SERTAD4: variants seen among roughly 807,000 people sequenced by gnomAD.
SERTAD4 encodes SERTA domain containing 4.
A neutral mutation model predicts 32.9 loss-of-function variants in SERTAD4; 18 were observed. That is an observed-to-expected ratio of 0.55 (90% CI 0.38 to 0.81). The LOEUF is 0.81. SERTAD4 is among the 30% of genes least tolerant of loss of function. The probability of loss-of-function intolerance (pLI) is 0.00; values close to 1 mark genes in which losing one functional copy is unlikely to be tolerated. For missense variants in SERTAD4, 383 were observed against 426.0 expected, an observed-to-expected ratio of 0.90 and a Z score of 0.89; for synonymous variants, 150 against 156.4, an observed-to-expected ratio of 0.96 and a Z score of 0.30.
Position 210,243,944 on chromosome 1 carries a change from TGTTATA to T in SERTAD4, c.*1612_*1617del, listed in dbSNP as rs2084024134. ...GACCAATTTTTAAAACATTTTCTTG[TGTTATA>T]GTTAAATAGTCTAGTAATGTTTTGT... On this transcript the variant is annotated 3_prime_UTR_variant, in exon 4 of 4. Transcript: ENST00000367012. 6.6e-6 allele frequency: 1 copy of T among 152,206 alleles called. No individual in the cohort carries two copies. The highest frequency in any genetic ancestry group is 2.1e-4 in the South Asian group (1 of 4,836). The allele number at this position is 152,206 out of a possible 1,614,324, so 9.4% of individuals were successfully genotyped here. A position where few individuals can be genotyped will look rare whatever the true frequency, so the allele number is the denominator to read the frequency against.
chr1:210,241,959 C>G lies in SERTAD4; in HGVS notation c.693C>G (p.Ser231=), dbSNP rs1323627443. ...SASSSSSSSS[S]SPPLPLPSCS... ...CTTCTTCCTCCTCATCTTCCTCTTC[C>G]TCTCCCCCTTTGCCTTTACCGAGTT... Residue 231 remains serine (S), a synonymous_variant, in exon 4 of 4, where the codon TCC becomes TCG. Transcript: ENST00000367012. 6.2e-7 allele frequency: 1 copy of G among 1,614,140 alleles called. No individual in the cohort carries two copies. The highest frequency in any genetic ancestry group is 1.3e-5 in the African/African-American group (1 of 75,022).
At chr1:210,233,097 C>T (rs1267298065) in intron 1 of SERTAD4, 86 bp downstream of exon 1, 2 of 151,954 alleles carry the variant, frequency 1.3e-5, no homozygotes, top group Non-Finnish European at 2.9e-5. Flanking sequence ...CCTGCCCTCG[C>T]AGACGGGCAC....
intron 3 of SERTAD4, among the ~76,000 whole-genome samples, chr1:210,240,360 ATTC>A (rs976326210): frequency 2.0e-5 from 3 of 152,162 alleles, no homozygotes; most frequent in African/African-American, 7.2e-5. Flanking sequence ...AGGATTTTCA[ATTC>A]TTCTTCCTCT....
At chr1:210,233,777 G>T in intron 1 of SERTAD4, 1 of 470,886 alleles carries the variant, frequency 2.1e-6, no homozygotes, top group Non-Finnish European at 4.4e-6. Context: ...CGTCCTCGCC[G>T]CCAGGTCCCA....
At chr1:210,234,552 G>A (rs188763003) in intron 1 of SERTAD4, among the ~76,000 whole-genome samples, 1 of 152,262 alleles carries the variant, frequency 6.6e-6, no homozygotes, top group African/African-American at 2.4e-5. Flanking sequence ...ACCAGGAGCC[G>A]GACAAGCTAT....
At chr1:210,236,055 TGA>T (rs2147844851) in intron 1 of SERTAD4, among the ~76,000 whole-genome samples, 1 of 152,350 alleles carries the variant, frequency 6.6e-6, no homozygotes, top group East Asian at 1.9e-4. Flanking sequence ...GACAATTTCA[TGA>T]GAGTCTTCCA....
intron 3 of SERTAD4, among the ~76,000 whole-genome samples, chr1:210,240,793 G>T (rs1228445753): frequency 6.6e-6 from 1 of 152,152 alleles, no homozygotes; most frequent in East Asian, 1.9e-4. Context: ...TTCTGTCAGG[G>T]TCTGAGCCTC....
At position 210,241,960 on chromosome 1, in the gene SERTAD4, T is replaced by C. The variant is rs2084001687; in HGVS notation, c.694T>C (p.Ser232Pro). Residue 232 changes from serine (S) to proline (P), a missense_variant, in exon 4 of 4, where the codon TCT becomes CCT. Transcript: ENST00000367012. ...ASSSSSSSSS[S>P]PPLPLPSCSR... Reference sequence around the variant, plus strand: ...TTCTTCCTCCTCATCTTCCTCTTCCTCTCCCCCTTTGCCTTTACCGAGTTG... The same window carrying C: ...TTCTTCCTCCTCATCTTCCTCTTCCCCTCCCCCTTTGCCTTTACCGAGTTG... 1 of 1,614,142 alleles carries C rather than the reference T, an allele frequency of 6.2e-7. No individual in the cohort carries two copies. Among genetic ancestry groups the C allele is most frequent in the South Asian group, 1.1e-5 (1 of 91,076 alleles).
chr1:210,239,765 C>G (rs1214591140), intron 3 of SERTAD4, among the ~76,000 whole-genome samples, 157 bp downstream of exon 3: 1 of 152,066 alleles, frequency 6.6e-6, no homozygotes, highest in Non-Finnish European at 1.5e-5. Context: ...TTTTTGGGTC[C>G]TGTGTTATTT....
chr1:210,236,345 G>A (rs369634952), intron 1 of SERTAD4, among the ~76,000 whole-genome samples: 1 of 152,326 alleles, frequency 6.6e-6, no homozygotes, highest in Admixed American at 6.5e-5. Flanking sequence ...GCCCAAACCA[G>A]CTGAGTCCTA....
Position 210,242,765 on chromosome 1 carries a change from T to C in SERTAD4, c.*428T>C. On this transcript the variant is annotated 3_prime_UTR_variant, in exon 4 of 4. Transcript: ENST00000367012. This position sits in a 1 kb window ranked among gnomAD's most constrained non-coding sequence, Gnocchi z 4.0. ...AAAGATACCTGCTTCTTCTATATGATACAATATTTTTTTTAAATAAAAGAC... is the reference window on the plus strand; with the variant it reads ...AAAGATACCTGCTTCTTCTATATGACACAATATTTTTTTTAAATAAAAGAC... 2.0e-6 allele frequency: 2 copies of C among 989,556 alleles called. No individual in the cohort carries two copies. Among genetic ancestry groups the C allele is most frequent in the Non-Finnish European group, 2.4e-6 (2 of 832,564 alleles). The allele number at this position is 989,556 out of a possible 1,614,324, so 61.3% of individuals were successfully genotyped here.
At position 210,245,850 on chromosome 1, in the gene SERTAD4, A is replaced by G. The variant is rs186311663; in HGVS notation, c.*3513A>G. 1.1e-5 allele frequency: 11 copies of G among 985,354 alleles called. No homozygotes were observed. In the Admixed American group the frequency reaches 3.7e-4, roughly 33 times the overall value. The allele number at this position is 985,354 out of a possible 1,614,324, so 61.0% of individuals were successfully genotyped here. ...AAGACATGACCATTAAGAGACATCAACTTCGCAACAAATATAAGACAAGGA... is the reference window on the plus strand; with the variant it reads ...AAGACATGACCATTAAGAGACATCAGCTTCGCAACAAATATAAGACAAGGA... On this transcript the variant is annotated 3_prime_UTR_variant, in exon 4 of 4. Coordinates refer to ENST00000367012, the MANE Select transcript of SERTAD4 (RefSeq NM_019605.5).
rs892798766 is a variant in SERTAD4, at chr1:210,243,978, T to C, written c.*1641T>C. The C allele has an allele frequency of 6.6e-6, 1 of 152,236 alleles. No individual in the cohort carries two copies. The highest frequency in any genetic ancestry group is 6.5e-5 in the Admixed American group (1 of 15,284). The allele number at this position is 152,236 out of a possible 1,614,324, so 9.4% of individuals were successfully genotyped here. A position where few individuals can be genotyped will look rare whatever the true frequency, so the allele number is the denominator to read the frequency against. On this transcript the variant is annotated 3_prime_UTR_variant, in exon 4 of 4. Coordinates refer to ENST00000367012, the MANE Select transcript of SERTAD4 (RefSeq NM_019605.5). ...TAAATAGTCTAGTAATGTTTTGTCC[T>C]TTATTTTCAATATTTGATAAACATT...
At position 210,243,330 on chromosome 1, in the gene SERTAD4, G is replaced by C. The variant is rs569370313; in HGVS notation, c.*993G>C. On this transcript the variant is annotated 3_prime_UTR_variant, in exon 4 of 4. Coordinates refer to ENST00000367012, the MANE Select transcript of SERTAD4 (RefSeq NM_019605.5). ...GGCAACTGTGTGTTGCTGGGGTTGG[G>C]GTTTTCTGGGTTTTGGGTTGTTTTG... The C allele has an allele frequency of 3.4e-5, 6 of 178,742 alleles. No individual in the cohort carries two copies. Among genetic ancestry groups the C allele is most frequent in the Non-Finnish European group, 6.5e-5 (6 of 92,616 alleles). The allele number at this position is 178,742 out of a possible 1,614,324, so 11.1% of individuals were successfully genotyped here.
intron 2 of SERTAD4, 131 bp from the exon 3 acceptor site, chr1:210,239,362 T>TTTGTCTTG: frequency 1.6e-6 from 1 of 623,160 alleles, no homozygotes; most frequent in Non-Finnish European, 2.8e-6. Context: ...AAATGTTTAT[T>TTTGTCTTG]TTTAATCACC....
At chr1:210,233,672 C>G in intron 1 of SERTAD4, 1 of 470,234 alleles carries the variant, frequency 2.1e-6, no homozygotes, top group Non-Finnish European at 4.4e-6. Context: ...GCCTGGTCCA[C>G]GCCTCCGCCT....
chr1:210,244,386 C>G lies in SERTAD4; in HGVS notation c.*2049C>G, dbSNP rs1263266190. 3 of 152,114 alleles carry G rather than the reference C, an allele frequency of 2.0e-5. No individual in the cohort carries two copies. The highest frequency in any genetic ancestry group is 4.4e-5 in the Non-Finnish European group (3 of 68,024). 9.4% of individuals were successfully genotyped at this position (152,114 alleles called of 1,614,324 possible). On this transcript the variant is annotated 3_prime_UTR_variant, in exon 4 of 4. Coordinates refer to ENST00000367012, the MANE Select transcript of SERTAD4 (RefSeq NM_019605.5). ...AAAGATTTTCCTTTCTGGAGTGTCTCTGAAAAAAATTGTATAACACGAAGC... is the reference window on the plus strand; with the variant it reads ...AAAGATTTTCCTTTCTGGAGTGTCTGTGAAAAAAATTGTATAACACGAAGC...
At chr1:210,239,375 A>G in intron 2 of SERTAD4, 118 bp from the exon 3 acceptor site, 1 of 694,416 alleles carries the variant, frequency 1.4e-6, no homozygotes, top group South Asian at 1.7e-5. Flanking sequence ...TAATCACCAC[A>G]TGTACAGACA....
intron 1 of SERTAD4, among the ~76,000 whole-genome samples, chr1:210,236,557 T>G (rs1243359544): frequency 6.6e-6 from 1 of 152,234 alleles, no homozygotes; most frequent in African/African-American, 2.4e-5. Flanking sequence ...GTTTTTCCTC[T>G]TTTTCCTTGG....
Sources: allele counts gnomAD v4.1 joint callset (sites outside exome capture counted in the v4.1 genomes callset), GRCh38; gene constraint gnomAD v4.1.1; non-coding constraint Gnocchi (gnomAD v3.1); transcripts MANE v1.5; gene names NCBI Gene and HGNC (gene_info 2026-07-23, HGNC 2026-07-21).